Variants in ADGRG6 observed in about 807,000 individuals in gnomAD.
The protein encoded by ADGRG6 is G-protein coupled receptor 126.
A neutral mutation model predicts 142.4 loss-of-function variants in ADGRG6; 84 were observed. The observed-to-expected ratio is 0.59, with a 90% CI of 0.49 to 0.71. The LOEUF is 0.71. Among genes scored for constraint, ADGRG6 ranks in the 30% least tolerant of loss-of-function variants. ADGRG6 has a pLI of 0.00. For missense variants in ADGRG6, 1,367 were observed against 1,466.6 expected (o/e 0.93, Z 1.11); for synonymous variants, 521 against 520.5 (o/e 1.00, Z -0.01).
chr6:142,353,009 T>C (rs1780264217), intron 2 of ADGRG6, among the ~76,000 whole-genome samples: 1 of 152,192 alleles, frequency 6.6e-6, no homozygotes, highest in Non-Finnish European at 1.5e-5. Context: ...TTTCCCTATG[T>C]GAGATGAAGG....
chr6:142,316,782 G>C (rs1367413216), intron 2 of ADGRG6, among the ~76,000 whole-genome samples: 3 of 152,016 alleles, frequency 2.0e-5, no homozygotes, highest in Non-Finnish European at 4.4e-5. Context: ...TAGACTTTTA[G>C]AGATAATTTA....
At position 142,309,552 on chromosome 6, in the gene ADGRG6, G is replaced by C; in HGVS notation, c.11G>C (p.Arg4Pro). ...ATCTTCTTTCTTTGCAGGATGTTTCGCTCAGATCGAATGTGGAGCTGCCAT... is the reference window on the plus strand; with the variant it reads ...ATCTTCTTTCTTTGCAGGATGTTTCCCTCAGATCGAATGTGGAGCTGCCAT... MMF[R>P]SDRMWSCHWK... Residue 4 changes from arginine to proline, a missense_variant, in exon 2 of 25, where the codon CGC (arginine) becomes CCC (proline). Physicochemically the swap from Arg to Pro is moderately radical, Grantham distance 103 (BLOSUM62 -2). Transcript: ENST00000367609. 6.2e-7 allele frequency: 1 copy of C among 1,606,426 alleles called. No individual in the cohort carries two copies. Among genetic ancestry groups the C allele is most frequent in the Non-Finnish European group, 8.5e-7 (1 of 1,175,508 alleles).
chr6:142,339,889 A>G (rs1233898415), intron 2 of ADGRG6, among the ~76,000 whole-genome samples: 1 of 152,150 alleles, frequency 6.6e-6, no homozygotes, highest in African/African-American at 2.4e-5. Context: ...CTTTAACATA[A>G]TAGGATAAGT....
Position 142,411,413 on chromosome 6 carries a change from T to C in ADGRG6, c.2541+2T>C. 6.9e-7 allele frequency: 1 copy of C among 1,452,216 alleles called. No individual in the cohort carries two copies. Among genetic ancestry groups the C allele is most frequent in the Non-Finnish European group, 9.7e-7 (1 of 1,032,480 alleles). 90.0% of individuals were successfully genotyped at this position (1,452,216 alleles called of 1,614,324 possible). Reference sequence around the variant, plus strand: ...TTCACACACTTTGGAGTTCTGATGGTAAGGGGGGAATTTCTAAGCTCATTT... The same window carrying C: ...TTCACACACTTTGGAGTTCTGATGGCAAGGGGGGAATTTCTAAGCTCATTT... On this transcript the variant is annotated splice_donor_variant, in intron 18 of 24. Coordinates refer to ENST00000367609, the MANE Select transcript of ADGRG6 (RefSeq NM_198569.3). LOFTEE classifies it high-confidence loss of function.
At chr6:142,329,545 C>T (rs1268137546) in intron 2 of ADGRG6, among the ~76,000 whole-genome samples, 1 of 152,066 alleles carries the variant, frequency 6.6e-6, no homozygotes, top group Non-Finnish European at 1.5e-5. Context: ...CATCACAGTC[C>T]TTACTAAAAC....
At chr6:142,372,603 C>A (rs1185668618) in intron 4 of ADGRG6, among the ~76,000 whole-genome samples, 1 of 152,166 alleles carries the variant, frequency 6.6e-6, no homozygotes, top group East Asian at 1.9e-4. Flanking sequence ...AAACCACAAC[C>A]CTGTTCCACA....
intron 22 of ADGRG6, among the ~76,000 whole-genome samples, chr6:142,420,578 TG>T (rs1207829493): frequency 9.2e-5 from 14 of 152,304 alleles, no homozygotes; most frequent in African/African-American, 3.4e-4. Flanking sequence ...CTTGATTTTT[TG>T]GGTCCTTTGA....
chr6:142,437,814 T>C (rs1349739640), intron 23 of ADGRG6, among the ~76,000 whole-genome samples: 3 of 151,824 alleles, frequency 2.0e-5, no homozygotes, highest in African/African-American at 4.8e-5. Context: ...TACCCAGAGG[T>C]TCCACTATAC....
At chr6:142,431,625 A>G (rs953401304) in intron 22 of ADGRG6, among the ~76,000 whole-genome samples, 1 of 152,118 alleles carries the variant, frequency 6.6e-6, no homozygotes, top group African/African-American at 2.4e-5. Flanking sequence ...TAGCAAAGGG[A>G]AAAAAATGAT....
intron 3 of ADGRG6, among the ~76,000 whole-genome samples, chr6:142,368,957 A>G (rs951377017): frequency 9.9e-5 from 15 of 151,850 alleles, no homozygotes; most frequent in African/African-American, 3.4e-4. Flanking sequence ...ATACTGGTTC[A>G]TATTGTGTCT....
At chr6:142,314,762 C>A (rs564104366) in intron 2 of ADGRG6, among the ~76,000 whole-genome samples, 27 of 152,240 alleles carry the variant, frequency 1.8e-4, no homozygotes, top group African/African-American at 6.3e-4. Context: ...TAACAGACTT[C>A]TTCTAAGTAT....
chr6:142,350,335 G>A (rs189371981), intron 2 of ADGRG6, among the ~76,000 whole-genome samples: 107 of 152,326 alleles, frequency 7.0e-4, no homozygotes, highest in Admixed American at 1.2e-3. Flanking sequence ...TCTTGGGCAA[G>A]TCAGTTGGTA....
At chr6:142,358,852 G>A (rs375791264) in intron 2 of ADGRG6, among the ~76,000 whole-genome samples, 6 of 151,830 alleles carry the variant, frequency 4.0e-5, no homozygotes, top group African/African-American at 1.5e-4. Flanking sequence ...TTGCAGCAGT[G>A]AGCCGAGATC....
At chr6:142,383,651 G>C in intron 5 of ADGRG6, 109 bp from the exon 6 acceptor site, 2 of 640,840 alleles carry the variant, frequency 3.1e-6, no homozygotes, top group Non-Finnish European at 5.6e-6. Flanking sequence ...TTTCAAAGTG[G>C]TTTCCATTCT....
Position 142,444,197 on chromosome 6 carries a change from T to C in ADGRG6, c.*682T>C, listed in dbSNP as rs1777883468. On this transcript the variant is annotated 3_prime_UTR_variant, in exon 25 of 25. Transcript: ENST00000367609. ...TATTTTACTTATTCTATTCAAGGCATAGGGCCAAAGCATTAAGTATAATTT... is the reference window on the plus strand; with the variant it reads ...TATTTTACTTATTCTATTCAAGGCACAGGGCCAAAGCATTAAGTATAATTT... 6.6e-6 allele frequency: 1 copy of C among 152,374 alleles called. No homozygotes were observed. Among genetic ancestry groups the C allele is most frequent in the East Asian group, 1.9e-4 (1 of 5,196 alleles). The allele number at this position is 152,374 out of a possible 1,614,324, so 9.4% of individuals were successfully genotyped here.
In ADGRG6 at chr6:142,332,167, C is replaced by T. The variant is rs201890525; in HGVS notation, c.103+22523C>T. Among the ~76,000 whole-genome samples the T allele has an allele frequency of 1.4e-4, 22 of 152,110 alleles. No homozygotes were observed. The East Asian group carries it at 3.3e-3, about 23-fold the overall frequency. ...CACAATATAGGTGGCCGCCCCTTTTCGATCACTGTAAAATAACTATACATA... is the reference window on the plus strand; with the variant it reads ...CACAATATAGGTGGCCGCCCCTTTTTGATCACTGTAAAATAACTATACATA... On this transcript the variant is annotated intron_variant, in intron 2 of 24. Transcript: ENST00000367609.
chr6:142,332,598 C>T (rs2114671609), intron 2 of ADGRG6, among the ~76,000 whole-genome samples: 1 of 151,750 alleles, frequency 6.6e-6, no homozygotes, highest in African/African-American at 2.4e-5. Context: ...GAAATGATTT[C>T]CCTTTCTTAT....
intron 6 of ADGRG6, among the ~76,000 whole-genome samples, chr6:142,388,388 A>G (rs1782136304): frequency 1.3e-5 from 2 of 152,136 alleles, no homozygotes; most frequent in Non-Finnish European, 2.9e-5. Context: ...CTGTTATAAC[A>G]AAAGCATGCT....
At chr6:142,385,405 A>G (rs1250943705) in intron 6 of ADGRG6, among the ~76,000 whole-genome samples, 1 of 152,248 alleles carries the variant, frequency 6.6e-6, no homozygotes, top group African/African-American at 2.4e-5. Flanking sequence ...TGACAGAAAT[A>G]TTCTCAAAAT....
Sources: gnomAD v4.1 joint callset for allele counts (sites outside exome capture counted in the v4.1 genomes callset) on GRCh38, gnomAD v4.1.1 for gene constraint, MANE v1.5 for transcripts, NCBI Gene and HGNC (gene_info 2026-07-23, HGNC 2026-07-21) for gene names.